Variants in PCDHGB7 observed in about 807,000 individuals in gnomAD.
PCDHGB7 encodes protocadherin gamma subfamily B, 7.
In PCDHGB7, 37 loss-of-function variants were observed where a neutral mutation model predicts 61.4. The ratio of observed to expected loss-of-function variants is 0.60; its 90% confidence interval spans 0.46 to 0.79. The LOEUF is 0.79. PCDHGB7 is among the 30% of genes least tolerant of loss of function. The probability of loss-of-function intolerance (pLI) is 0.00; values close to 1 mark genes in which losing one functional copy is unlikely to be tolerated. For synonymous variants in PCDHGB7, 464 were observed against 503.5 expected (o/e 0.92, Z 1.05); for missense variants, 1,166 against 1,202.5 (o/e 0.97, Z 0.45).
At chr5:141,423,874 A>T (rs1264795133) in intron 1 of PCDHGB7, 2 of 1,283,268 alleles carry the variant, frequency 1.6e-6, no homozygotes, top group African/African-American at 3.1e-5. Flanking sequence ...GTCATTTTTC[A>T]ATCTTGGCAT....
chr5:141,491,549 A>T lies in PCDHGB7; in HGVS notation c.2416-3258A>T, dbSNP rs748281587. 18 of 1,613,860 alleles carry T rather than the reference A, an allele frequency of 1.1e-5. No homozygotes were observed. In the East Asian group the frequency reaches 3.8e-4, roughly 34 times the overall value. On this transcript the variant is annotated intron_variant, in intron 1 of 3. Coordinates refer to ENST00000398594, the MANE Select transcript of PCDHGB7 (RefSeq NM_018927.4). This position sits in a 1 kb window ranked among gnomAD's most constrained non-coding sequence, Gnocchi z 6.9. Reference sequence around the variant, plus strand: ...GTGACGCTGCGGCCCACAGACTCGCAGAGCCACTGCTACAGGACGTGCTTT... The same window carrying T: ...GTGACGCTGCGGCCCACAGACTCGCTGAGCCACTGCTACAGGACGTGCTTT...
chr5:141,499,029 A>AAGGAAGGAAGGAAGGAAGG (rs1562187768), intron 2 of PCDHGB7, among the ~76,000 whole-genome samples: 3 of 140,076 alleles, frequency 2.1e-5, no homozygotes, highest in African/African-American at 8.3e-5. Flanking sequence ...AGGAAGGAAG[A>AAGGAAGGAAGGAAGGAAGG]AAAGAAAGAA....
chr5:141,426,790 A>T, intron 1 of PCDHGB7: 1 of 456,732 alleles, frequency 2.2e-6, no homozygotes, highest in Middle Eastern at 3.3e-4. Flanking sequence ...CTCCAGAGTT[A>T]CCAGCTCAGT....
intron 1 of PCDHGB7, chr5:141,478,104 CTG>C: frequency 6.2e-7 from 1 of 1,614,118 alleles, no homozygotes; most frequent in Middle Eastern, 1.6e-4. Context: ...GCTACCCTCA[CTG>C]TGTCAGTAAC....
chr5:141,446,468 A>G (rs2098503159), intron 1 of PCDHGB7, among the ~76,000 whole-genome samples: 1 of 149,982 alleles, frequency 6.7e-6, no homozygotes, highest in African/African-American at 2.5e-5. Flanking sequence ...GTGATTAGAC[A>G]TATGGTCATC....
At chr5:141,435,390 C>T (rs2097760754) in intron 1 of PCDHGB7, among the ~76,000 whole-genome samples, 1 of 152,052 alleles carries the variant, frequency 6.6e-6, no homozygotes, top group Non-Finnish European at 1.5e-5. Flanking sequence ...ACCGTATTGC[C>T]ATGACGAAAA....
chr5:141,511,486 TC>T lies in PCDHGB7; in HGVS notation c.*315del. The T allele has an allele frequency of 2.2e-6, 1 of 449,906 alleles. No homozygotes were observed. 27.9% of individuals were successfully genotyped at this position (449,906 alleles called of 1,614,324 possible). A position where few individuals can be genotyped will look rare whatever the true frequency, so the allele number is the denominator to read the frequency against. On this transcript the variant is annotated 3_prime_UTR_variant, in exon 4 of 4. Transcript: ENST00000398594. ...CCCCGTTTAGTTACAGCTGAACTCC[TC>T]CATCTTCCAAATCAATCAGGCCCAT...
intron 1 of PCDHGB7, chr5:141,422,014 C>T (rs1472942387): frequency 1.9e-6 from 3 of 1,610,040 alleles, no homozygotes; most frequent in African/African-American, 1.3e-5. Flanking sequence ...AACTCGGGTG[C>T]TGATGGTTAA....
chr5:141,418,864 A>T lies in PCDHGB7; in HGVS notation c.1005A>T (p.Val335=). ...TCTCAACACGGTGTAAAGTAATTGT[A>T]GAAGTTGTAGACGAAAACGACAACA... The part of the protein sequence containing the change: ...GSLSTRCKVI[V]EVVDENDNSP... The change falls in exon 1 of 4, where the codon GTA becomes GTT. Residue 335 remains valine, a synonymous_variant. Coordinates refer to ENST00000398594, the MANE Select transcript of PCDHGB7 (RefSeq NM_018927.4). 6.2e-7 allele frequency: 1 copy of T among 1,614,046 alleles called. No homozygotes were observed. The highest frequency in any genetic ancestry group is 8.5e-7 in the Non-Finnish European group (1 of 1,179,882).
intron 2 of PCDHGB7, among the ~76,000 whole-genome samples, chr5:141,501,109 C>T (rs909874167): frequency 2.0e-5 from 3 of 152,106 alleles, no homozygotes; most frequent in South Asian, 2.1e-4. Context: ...CCTCGTGATC[C>T]GCCTGCCTCA....
At position 141,487,534 on chromosome 5, in the gene PCDHGB7, G is replaced by T; in HGVS notation, c.2416-7273G>T. The T allele has an allele frequency of 6.2e-7, 1 of 1,614,174 alleles. No homozygotes were observed. The highest frequency in any genetic ancestry group is 8.5e-7 in the Non-Finnish European group (1 of 1,180,034). ...CCACTCGGAGTGATAGCTTCATGAT[G>T]GTGAAGTCACCCAGTGCACCTATGG... On this transcript the variant is annotated intron_variant, in intron 1 of 3. Coordinates refer to ENST00000398594, the MANE Select transcript of PCDHGB7 (RefSeq NM_018927.4). This position sits in a 1 kb window ranked among gnomAD's most constrained non-coding sequence, Gnocchi z 5.0.
intron 1 of PCDHGB7, chr5:141,430,840 A>G: frequency 6.4e-7 from 1 of 1,565,876 alleles, no homozygotes; most frequent in East Asian, 2.2e-5. Flanking sequence ...GGGAGACCGG[A>G]TGCACCCAGA....
intron 1 of PCDHGB7, chr5:141,478,902 GCTGCTGGATAC>G: frequency 1.0e-6 from 1 of 978,788 alleles, no homozygotes. Context: ...TTAGGAATAA[GCTGCTGGATAC>G]CTCTAACCAG....
chr5:141,419,945 T>C lies in PCDHGB7; in HGVS notation c.2086T>C (p.Leu696=), dbSNP rs2096451536. The change falls in exon 1 of 4, where the codon TTG becomes CTG. Residue 696 remains leucine (L), a synonymous_variant. Transcript: ENST00000398594. The part of the protein sequence containing the change: ...AEMQFYLVVA[L]ALISVLFLLA... Reference sequence around the variant, plus strand: ...GATGCAGTTTTACCTGGTGGTGGCCTTGGCCTTGATTTCTGTGCTCTTTCT... The same window carrying C: ...GATGCAGTTTTACCTGGTGGTGGCCCTGGCCTTGATTTCTGTGCTCTTTCT... The C allele has an allele frequency of 2.5e-6, 4 of 1,614,088 alleles. No individual in the cohort carries two copies. The highest frequency in any genetic ancestry group is 1.6e-4 in the Middle Eastern group (1 of 6,062).
intron 1 of PCDHGB7, chr5:141,422,772 C>A: frequency 6.2e-7 from 1 of 1,613,922 alleles, no homozygotes. Flanking sequence ...CTGGTGTTCT[C>A]TATGCCCTAC....
chr5:141,478,210 A>G, intron 1 of PCDHGB7: 1 of 1,614,064 alleles, frequency 6.2e-7, no homozygotes, highest in East Asian at 2.2e-5. Flanking sequence ...TTCTTTCTCT[A>G]ATCCTGGTTT....
At chr5:141,423,557 G>A (rs1365715281) in intron 1 of PCDHGB7, 4 of 1,613,536 alleles carry the variant, frequency 2.5e-6, no homozygotes, top group East Asian at 2.2e-5. Context: ...CCCAACTATG[G>A]GGACACGCTC....
chr5:141,480,336 G>A (rs755963190), intron 1 of PCDHGB7, among the ~76,000 whole-genome samples: 1 of 151,988 alleles, frequency 6.6e-6, no homozygotes, highest in Non-Finnish European at 1.5e-5. Flanking sequence ...AATTGCTTGA[G>A]CCTGGGAGGT....
chr5:141,491,955 A>T lies in PCDHGB7; in HGVS notation c.2416-2852A>T. Reference sequence around the variant, plus strand: ...GGGACCGACCCCCACCCCTACACTCAAAAAAGGCCGGGGCCTCCTTCGAGC... The same window carrying T: ...GGGACCGACCCCCACCCCTACACTCTAAAAAGGCCGGGGCCTCCTTCGAGC... On this transcript the variant is annotated intron_variant, in intron 1 of 3. Coordinates refer to ENST00000398594, the MANE Select transcript of PCDHGB7 (RefSeq NM_018927.4). This position sits in a 1 kb window ranked among gnomAD's most constrained non-coding sequence, Gnocchi z 6.9. 9.7e-7 allele frequency: 1 copy of T among 1,029,648 alleles called. No homozygotes were observed. The highest frequency in any genetic ancestry group is 2.2e-5 in the South Asian group (1 of 44,530). The allele number at this position is 1,029,648 out of a possible 1,614,324, so 63.8% of individuals were successfully genotyped here. A position where few individuals can be genotyped will look rare whatever the true frequency, so the allele number is the denominator to read the frequency against.
Sources: allele counts gnomAD v4.1 joint callset (sites outside exome capture counted in the v4.1 genomes callset), GRCh38; gene constraint gnomAD v4.1.1; non-coding constraint Gnocchi (gnomAD v3.1); transcripts MANE v1.5; gene names NCBI Gene and HGNC (gene_info 2026-07-23, HGNC 2026-07-21).